MYO3B: variants seen among roughly 807,000 people sequenced by gnomAD.
MYO3B encodes myosin-IIIb.
A neutral mutation model predicts 174.6 loss-of-function variants in MYO3B; 156 were observed. The observed-to-expected ratio is 0.89, with a 90% confidence interval of 0.78 to 1.02. MYO3B has a LOEUF of 1.02. Among genes scored for constraint, MYO3B ranks in the 50% least tolerant of loss-of-function variants. The pLI, the probability that MYO3B is intolerant of heterozygous loss-of-function variation, is 0.00. For missense variants in MYO3B, 1,632 were observed against 1,639.4 expected (o/e 1.00, Z 0.08); for synonymous variants, 563 against 569.1 (o/e 0.99, Z 0.15).
At chr2:170,495,970 C>A (rs975209554) in intron 25 of MYO3B, among the ~76,000 whole-genome samples, 1 of 152,190 alleles carries the variant, frequency 6.6e-6, no homozygotes, top group African/African-American at 2.4e-5. Context: ...AGAATCTGTG[C>A]TGATGCCATG....
rs192607134 is a variant in MYO3B at position 170,376,879 on chromosome 2, A to C, written c.972-5137A>C. 1.3e-3 allele frequency among the ~76,000 whole-genome samples: 198 copies of C among 152,316 alleles called. 1 individual carries two copies. Among genetic ancestry groups the C allele is most frequent in the Admixed American group, 0.013 (196 of 15,304 alleles). On this transcript the variant is annotated intron_variant, in intron 9 of 34. Coordinates refer to ENST00000408978, the MANE Select transcript of MYO3B (RefSeq NM_138995.5). ...TTATTATTATTAGGCTGAATTGATAAGCTAGAAGAATTTGTTTCCTTCTCA... is the reference window on the plus strand; with the variant it reads ...TTATTATTATTAGGCTGAATTGATACGCTAGAAGAATTTGTTTCCTTCTCA...
chr2:170,455,506 T>C (rs1381207045), intron 23 of MYO3B, among the ~76,000 whole-genome samples: 1 of 152,242 alleles, frequency 6.6e-6, no homozygotes, highest in East Asian at 1.9e-4. Flanking sequence ...ACCTAAAATA[T>C]GTTAGTCTTA....
intron 32 of MYO3B, among the ~76,000 whole-genome samples, chr2:170,551,108 C>A (rs1247763414): frequency 3.3e-5 from 5 of 151,928 alleles, no homozygotes; most frequent in African/African-American, 1.2e-4. Context: ...CTATGCTGCC[C>A]AGCCTGGTCT....
intron 27 of MYO3B, among the ~76,000 whole-genome samples, chr2:170,501,227 C>G (rs1687249710): frequency 6.6e-6 from 1 of 152,204 alleles, no homozygotes; most frequent in Non-Finnish European, 1.5e-5. Flanking sequence ...TCCCTTCCCA[C>G]TGCACATCTT....
At chr2:170,538,606 C>T (rs1411868766) in intron 30 of MYO3B, among the ~76,000 whole-genome samples, 1 of 152,270 alleles carries the variant, frequency 6.6e-6, no homozygotes, top group South Asian at 2.1e-4. Flanking sequence ...CACTGGGATC[C>T]GGATTTAAGA....
chr2:170,236,345 A>G (rs1052860111), intron 7 of MYO3B, among the ~76,000 whole-genome samples: 2 of 152,228 alleles, frequency 1.3e-5, no homozygotes, highest in African/African-American at 4.8e-5. Context: ...TAATAAGACC[A>G]TGTTGGAACA....
Position 170,466,693 on chromosome 2 carries a change from T to A in MYO3B, c.2996T>A (p.Phe999Tyr). ...CAGGGCTATTCCCACCGCATCCTTT[T>A]TGAAGAATTTGTGAAAAGGTCAGAC... ...RRQGYSHRILFEEFVKRYYYL... is the reference protein window; with the variant it reads ...RRQGYSHRILYEEFVKRYYYL... Residue 999 changes from phenylalanine to tyrosine, a missense_variant, in exon 25 of 35, where the codon TTT becomes TAT. Transcript: ENST00000408978. The A allele has an allele frequency of 3.1e-6, 5 of 1,614,196 alleles. No individual in the cohort carries two copies. The highest frequency in any genetic ancestry group is 4.2e-6 in the Non-Finnish European group (5 of 1,180,024).
rs571484176 is a variant in MYO3B at position 170,305,644 on chromosome 2, G to A, written c.750-29741G>A. ...CCATCATTCAAGTAGTCTTAGCCCT[G>A]AGATCCTGTAAATTTTTGTCCCAAG... is the stretch of plus-strand genomic sequence containing the variant. On this transcript the variant is annotated intron_variant, in intron 7 of 34. Transcript: ENST00000408978. 5.2e-4 allele frequency among the ~76,000 whole-genome samples: 79 copies of A among 152,228 alleles called. 1 individual carries two copies. The highest frequency in any genetic ancestry group is 1.6e-3 in the Admixed American group (25 of 15,294).
At chr2:170,369,649 A>G (rs1280670838) in intron 9 of MYO3B, among the ~76,000 whole-genome samples, 1 of 150,998 alleles carries the variant, frequency 6.6e-6, no homozygotes, top group Non-Finnish European at 1.5e-5. Flanking sequence ...TTAAAAAATC[A>G]ACAAATATAT....
intron 30 of MYO3B, among the ~76,000 whole-genome samples, chr2:170,529,501 G>A (rs78168826): frequency 0.014 from 1,942 of 141,384 alleles, 41 homozygotes; most frequent in African/African-American, 0.047. Context: ...TTATATCTAC[G>A]TCTCTAAAGT....
intron 25 of MYO3B, among the ~76,000 whole-genome samples, chr2:170,472,177 G>T (rs1685015561): frequency 6.6e-6 from 1 of 152,084 alleles, no homozygotes; most frequent in African/African-American, 2.4e-5. Flanking sequence ...CAGCAGAATA[G>T]AATTTGTTAA....
At chr2:170,278,271 C>T (rs779822139) in intron 7 of MYO3B, among the ~76,000 whole-genome samples, 11 of 152,068 alleles carry the variant, frequency 7.2e-5, no homozygotes, top group South Asian at 2.1e-4. Context: ...TTAAGAATGT[C>T]GTAGTCTTAT....
intron 7 of MYO3B, among the ~76,000 whole-genome samples, chr2:170,283,312 G>T (rs1215376712): frequency 6.6e-6 from 1 of 152,120 alleles, no homozygotes; most frequent in Admixed American, 6.5e-5. Context: ...CCCATGCTGG[G>T]GAACCTATCA....
chr2:170,499,759 C>T lies in MYO3B; in HGVS notation c.3240C>T (p.Tyr1080=). 6.2e-7 allele frequency: 1 copy of T among 1,613,986 alleles called. No individual in the cohort carries two copies. The highest frequency in any genetic ancestry group is 8.5e-7 in the Non-Finnish European group (1 of 1,179,950). The change falls in exon 27 of 35, where the codon TAC becomes TAT. Residue 1080 remains tyrosine (Y), a synonymous_variant. Coordinates refer to ENST00000408978, the MANE Select transcript of MYO3B (RefSeq NM_138995.5). ...YTKGWLGARR[Y]KRVREKREKG... Reference sequence around the variant, plus strand: ...AGGGGTGGCTTGGAGCCAGGAGATACAAAAGGGTCAGAGAGAAGAGAGAGA... The same window carrying T: ...AGGGGTGGCTTGGAGCCAGGAGATATAAAAGGGTCAGAGAGAAGAGAGAGA...
Position 170,403,018 on chromosome 2 carries a change from C to T in MYO3B, c.2277+23C>T, listed in dbSNP as rs772161774. The T allele has an allele frequency of 4.5e-6, 7 of 1,550,320 alleles. No homozygotes were observed. In the South Asian group the frequency reaches 7.3e-5, roughly 16 times the overall value. On this transcript the variant is annotated intron_variant, in intron 19 of 34. Coordinates refer to ENST00000408978, the MANE Select transcript of MYO3B (RefSeq NM_138995.5). Reference sequence around the variant, plus strand: ...CAGGTAATAGTGAACTCTGAGGTAACTAAACTTGATGGGGAAAAGGTGTCT... The same window carrying T: ...CAGGTAATAGTGAACTCTGAGGTAATTAAACTTGATGGGGAAAAGGTGTCT...
chr2:170,597,878 T>C (rs1479784078), intron 32 of MYO3B, among the ~76,000 whole-genome samples: 7 of 152,162 alleles, frequency 4.6e-5, no homozygotes, highest in Non-Finnish European at 1.0e-4. Flanking sequence ...TAGAGAAAGA[T>C]CAGGACAATA....
intron 30 of MYO3B, among the ~76,000 whole-genome samples, chr2:170,524,216 G>A (rs1688859927): frequency 6.6e-6 from 1 of 152,156 alleles, no homozygotes; most frequent in Non-Finnish European, 1.5e-5. Flanking sequence ...CTGGGTTGGT[G>A]TTACTCACTC....
At chr2:170,593,080 G>A (rs1693920822) in intron 32 of MYO3B, among the ~76,000 whole-genome samples, 2 of 152,118 alleles carry the variant, frequency 1.3e-5, no homozygotes, top group Admixed American at 1.3e-4. Context: ...TCTATAGCGA[G>A]AGGAGGAGAT....
chr2:170,462,654 G>A (rs1402294062), intron 23 of MYO3B, among the ~76,000 whole-genome samples: 13 of 152,246 alleles, frequency 8.5e-5, no homozygotes. Context: ...AGCTGCCACG[G>A]CAAGGCCAGT....
Sources: gnomAD v4.1 joint callset for allele counts (sites outside exome capture counted in the v4.1 genomes callset) on GRCh38, gnomAD v4.1.1 for gene constraint, MANE v1.5 for transcripts, NCBI Gene and HGNC (gene_info 2026-07-23, HGNC 2026-07-21) for gene names.